The following RAPGEF2 variants were observed in gnomAD, a reference collection of about 807,000 sequenced individuals.
RAPGEF2 encodes Rap guanine nucleotide exchange factor 2.
RAPGEF2 carries 54 observed loss-of-function variants against 186.7 expected under a neutral mutation model. The ratio of observed to expected loss-of-function variants is 0.29; its 90% CI spans 0.23 to 0.36. The LOEUF (loss-of-function observed/expected upper bound fraction) is 0.36. RAPGEF2 is among the 10% of genes least tolerant of loss of function. RAPGEF2 has a pLI of 1.00. For missense variants in RAPGEF2, 1,532 were observed against 2,045.0 expected (o/e 0.75, Z 4.84); for synonymous variants, 712 against 705.9 (o/e 1.01, Z -0.14).
At chr4:159,175,486 A>C (rs1746365251) in intron 1 of RAPGEF2, among the ~76,000 whole-genome samples, 1 of 152,184 alleles carries the variant, frequency 6.6e-6, no homozygotes. Flanking sequence ...TTTTAAAATA[A>C]ACATTTCCCT....
chr4:159,334,876 A>G (rs1283055683), intron 17 of RAPGEF2, among the ~76,000 whole-genome samples: 1 of 152,228 alleles, frequency 6.6e-6, no homozygotes, highest in African/African-American at 2.4e-5. Flanking sequence ...AGGAAAATAT[A>G]TGGCTCATTT....
chr4:159,256,560 C>G (rs758106098), intron 7 of RAPGEF2, among the ~76,000 whole-genome samples: 1 of 152,122 alleles, frequency 6.6e-6, no homozygotes, highest in Non-Finnish European at 1.5e-5. Context: ...TGGGTATATA[C>G]CCAGTAATGG....
chr4:159,132,855 A>G (rs921957924), intron 1 of RAPGEF2, among the ~76,000 whole-genome samples: 4 of 150,910 alleles, frequency 2.7e-5, no homozygotes, highest in Non-Finnish European at 4.4e-5. Flanking sequence ...TTGTACCTAA[A>G]TTAATATTTT....
chr4:159,204,576 C>G (rs1398777750), intron 3 of RAPGEF2, among the ~76,000 whole-genome samples: 1 of 152,190 alleles, frequency 6.6e-6, no homozygotes, highest in Non-Finnish European at 1.5e-5. Context: ...GGAAGGTGAA[C>G]TGATCATTTT....
At chr4:159,106,877 G>C (rs1307453443) in intron 1 of RAPGEF2, among the ~76,000 whole-genome samples, 2 of 152,162 alleles carry the variant, frequency 1.3e-5, no homozygotes, top group African/African-American at 4.8e-5. Context: ...GGTGGGAAGA[G>C]TACCAGGAAC....
chr4:159,206,517 T>C (rs76166925), intron 3 of RAPGEF2, among the ~76,000 whole-genome samples: 2,993 of 152,292 alleles, frequency 0.02, 33 homozygotes, highest in Middle Eastern at 0.071. Flanking sequence ...CTAAGTACTA[T>C]TTTCATAATT....
At chr4:159,131,581 A>G (rs1055917864) in intron 1 of RAPGEF2, among the ~76,000 whole-genome samples, 31 of 100,674 alleles carry the variant, frequency 3.1e-4, no homozygotes, top group African/African-American at 1.2e-3. Context: ...TCAGTCAGCT[A>G]TACTATTTGG....
intron 1 of RAPGEF2, among the ~76,000 whole-genome samples, chr4:159,114,551 T>C (rs1738838770): frequency 6.6e-6 from 1 of 152,220 alleles, no homozygotes; most frequent in African/African-American, 2.4e-5. Context: ...TTTTAACAAT[T>C]TATTCACCTT....
At chr4:159,140,612 T>C (rs1350546820) in intron 1 of RAPGEF2, among the ~76,000 whole-genome samples, 2 of 152,168 alleles carry the variant, frequency 1.3e-5, no homozygotes, top group Non-Finnish European at 2.9e-5. Flanking sequence ...AAGACTGTTC[T>C]AATTACCGGG....
intron 1 of RAPGEF2, among the ~76,000 whole-genome samples, chr4:159,169,970 T>C (rs995957710): frequency 2.6e-5 from 4 of 152,288 alleles, no homozygotes; most frequent in Middle Eastern, 3.4e-3. Context: ...GTCCTATTTT[T>C]AATTTTTTTG....
At chr4:159,292,167 G>C (rs1193786344) in intron 7 of RAPGEF2, among the ~76,000 whole-genome samples, 1 of 152,078 alleles carries the variant, frequency 6.6e-6, no homozygotes, top group Non-Finnish European at 1.5e-5. Flanking sequence ...ATCTCATTCA[G>C]GGTAAAATCC....
chr4:159,334,099 A>G (rs1030747684), intron 17 of RAPGEF2, among the ~76,000 whole-genome samples: 11 of 152,344 alleles, frequency 7.2e-5, no homozygotes, highest in Admixed American at 4.6e-4. Flanking sequence ...TATAGGCTCA[A>G]GAGGATATAT....
chr4:159,193,484 A>G (rs1163691805), intron 3 of RAPGEF2, among the ~76,000 whole-genome samples: 2 of 152,230 alleles, frequency 1.3e-5, no homozygotes, highest in Non-Finnish European at 2.9e-5. Flanking sequence ...ATGTGGGTCA[A>G]AGATACTATT....
intron 3 of RAPGEF2, among the ~76,000 whole-genome samples, chr4:159,193,749 G>A (rs1051358964): frequency 2.6e-5 from 4 of 152,158 alleles, no homozygotes; most frequent in African/African-American, 7.2e-5. Context: ...AAAAGACAGC[G>A]TATTCTTAAA....
At chr4:159,233,679 C>T (rs1752898546) in intron 4 of RAPGEF2, among the ~76,000 whole-genome samples, 1 of 151,930 alleles carries the variant, frequency 6.6e-6, no homozygotes, top group Admixed American at 6.6e-5. Context: ...GCGTATACTG[C>T]TTGGATGATG....
chr4:159,108,794 C>T (rs1032534101), intron 1 of RAPGEF2, among the ~76,000 whole-genome samples: 3 of 152,164 alleles, frequency 2.0e-5, no homozygotes, highest in African/African-American at 7.2e-5. Flanking sequence ...CCCGGGCTCA[C>T]TGCAGCCTCT....
In RAPGEF2 at chr4:159,355,849, C is replaced by T. The variant is rs921130177; in HGVS notation, c.4652-4C>T. The T allele has an allele frequency of 6.5e-7, 1 of 1,542,994 alleles. No homozygotes were observed. Among genetic ancestry groups the T allele is most frequent in the Non-Finnish European group, 8.8e-7 (1 of 1,141,832 alleles). On this transcript the variant is annotated splice_polypyrimidine_tract_variant and splice_region_variant and intron_variant, in intron 28 of 29. Transcript: ENST00000691494. ...TTAATGCTGGTGCATTGTTTCTACT[C>T]TAGCACGAAAGGAGGGCAGGTATCG... is the stretch of plus-strand genomic sequence containing the variant.
At chr4:159,117,232 A>G (rs995106731) in intron 1 of RAPGEF2, among the ~76,000 whole-genome samples, 1 of 152,156 alleles carries the variant, frequency 6.6e-6, no homozygotes, top group Non-Finnish European at 1.5e-5. Context: ...ATCTTCATTC[A>G]TATCTGATCC....
intron 3 of RAPGEF2, among the ~76,000 whole-genome samples, chr4:159,202,765 C>A (rs1749581778): frequency 6.6e-6 from 1 of 152,088 alleles, no homozygotes; most frequent in Non-Finnish European, 1.5e-5. Flanking sequence ...CCATGCCTGG[C>A]TAATTTTTGT....
Sources: gnomAD v4.1 joint callset for allele counts (sites outside exome capture counted in the v4.1 genomes callset) on GRCh38, gnomAD v4.1.1 for gene constraint, MANE v1.5 for transcripts, NCBI Gene and HGNC (gene_info 2026-07-23, HGNC 2026-07-21) for gene names.